The following NCOA3 variants were observed in gnomAD, a reference collection of about 807,000 sequenced individuals.
NCOA3 encodes CBP-interacting protein.
Under a neutral mutation model 158.8 loss-of-function variants are expected in NCOA3, and 51 were observed. That is an observed-to-expected ratio of 0.32 (90% CI 0.26 to 0.41). The LOEUF is 0.41. Among genes scored for constraint, NCOA3 ranks in the 10% least tolerant of loss-of-function variants. The pLI is 1.00. For synonymous variants in NCOA3, 537 were observed against 592.4 expected (o/e 0.91, Z 1.36); for missense variants, 1,510 against 1,746.6 (o/e 0.86, Z 2.41).
intron 1 of NCOA3, among the ~76,000 whole-genome samples, chr20:47,512,712 A>C (rs1262444461): frequency 6.6e-6 from 1 of 152,094 alleles, no homozygotes; most frequent in Non-Finnish European, 1.5e-5. Context: ...ACCACTATAC[A>C]CTCACTATGA....
intron 2 of NCOA3, among the ~76,000 whole-genome samples, chr20:47,612,952 A>T (rs1602485732): frequency 1.3e-5 from 2 of 152,200 alleles, no homozygotes; most frequent in Non-Finnish European, 2.9e-5. Flanking sequence ...GCTAATTGGT[A>T]TGCCCAGTTC....
At chr20:47,531,603 A>G (rs2084548684) in intron 1 of NCOA3, among the ~76,000 whole-genome samples, 1 of 152,160 alleles carries the variant, frequency 6.6e-6, no homozygotes, top group South Asian at 2.1e-4. Flanking sequence ...AGTGTTCTCC[A>G]TCCCTTCCCT....
chr20:47,646,927 T>C, intron 17 of NCOA3, 146 bp from the exon 18 acceptor site: 1 of 664,904 alleles, frequency 1.5e-6, no homozygotes, highest in South Asian at 2.0e-5. Flanking sequence ...ATCCTTAGCA[T>C]GTAGAGAAGT....
At position 47,575,877 on chromosome 20, in the gene NCOA3, T is replaced by C. The variant is rs72662717; in HGVS notation, c.-98-7306T>C. ...TAATACAGCGATTTCACTTTTATCC[T>C]GTGGTGCTTCAAAGGCATCTAGTTT... On this transcript the variant is annotated intron_variant, in intron 1 of 22. Coordinates refer to ENST00000371998, the MANE Select transcript of NCOA3 (RefSeq NM_181659.3). 7.2e-3 allele frequency among the ~76,000 whole-genome samples: 1,101 copies of C among 152,362 alleles called. 22 individuals carry two copies. The highest frequency in any genetic ancestry group is 0.025 in the African/African-American group (1,043 of 41,588).
At chr20:47,519,232 C>CA (rs1199240116) in intron 1 of NCOA3, among the ~76,000 whole-genome samples, 9 of 151,540 alleles carry the variant, frequency 5.9e-5, no homozygotes, top group Admixed American at 5.9e-4. Flanking sequence ...GTCAGAAGAT[C>CA]AAGACCACCC....
At chr20:47,615,641 T>C (rs2086119630) in intron 2 of NCOA3, among the ~76,000 whole-genome samples, 1 of 152,216 alleles carries the variant, frequency 6.6e-6, no homozygotes, top group Non-Finnish European at 1.5e-5. Flanking sequence ...TAACAATTTA[T>C]TATATATTCT....
intron 13 of NCOA3, among the ~76,000 whole-genome samples, chr20:47,638,359 A>G (rs950898643): frequency 6.6e-6 from 1 of 152,198 alleles, no homozygotes; most frequent in African/African-American, 2.4e-5. Flanking sequence ...GCAGTGAGCC[A>G]AGATTGCGCC....
chr20:47,625,630 T>A, intron 5 of NCOA3, 149 bp downstream of exon 5: 1 of 629,114 alleles, frequency 1.6e-6, no homozygotes, highest in Non-Finnish European at 2.8e-6. Flanking sequence ...CTGAATATGA[T>A]GGTAAAATGC....
At chr20:47,503,158 G>C (rs1416878121) in intron 1 of NCOA3, among the ~76,000 whole-genome samples, 3 of 152,130 alleles carry the variant, frequency 2.0e-5, no homozygotes, top group Admixed American at 1.3e-4. Context: ...TAAGATTGCT[G>C]CATCTCTTTG....
At chr20:47,615,355 A>G (rs2086114959) in intron 2 of NCOA3, among the ~76,000 whole-genome samples, 1 of 152,196 alleles carries the variant, frequency 6.6e-6, no homozygotes, top group Non-Finnish European at 1.5e-5. Context: ...AGGTCCCTCA[A>G]AATAACTTCT....
chr20:47,573,555 A>G (rs533338882), intron 1 of NCOA3, among the ~76,000 whole-genome samples: 1 of 152,358 alleles, frequency 6.6e-6, no homozygotes, highest in Non-Finnish European at 1.5e-5. Flanking sequence ...TGGCACCAGT[A>G]GACTTACCTG....
At chr20:47,611,989 T>C (rs113072294) in intron 2 of NCOA3, among the ~76,000 whole-genome samples, 2 of 152,082 alleles carry the variant, frequency 1.3e-5, no homozygotes, top group African/African-American at 4.8e-5. Context: ...CACGCTTGGC[T>C]AAGTGTTTTG....
chr20:47,628,111 C>G, intron 8 of NCOA3, 88 bp downstream of exon 8: 1 of 887,168 alleles, frequency 1.1e-6, no homozygotes, highest in South Asian at 1.5e-5. Flanking sequence ...TATTTTTAAT[C>G]TGTACTATCA....
At chr20:47,544,904 T>A (rs912126261) in intron 1 of NCOA3, among the ~76,000 whole-genome samples, 1 of 152,210 alleles carries the variant, frequency 6.6e-6, no homozygotes, top group Non-Finnish European at 1.5e-5. Flanking sequence ...TTGGGTCATC[T>A]GGAATTCATT....
At chr20:47,632,883 A>G (rs780585317) in intron 8 of NCOA3, among the ~76,000 whole-genome samples, 1 of 151,466 alleles carries the variant, frequency 6.6e-6, no homozygotes, top group Non-Finnish European at 1.5e-5. Flanking sequence ...GGGTTTCACC[A>G]TGTTGGCCAG....
chr20:47,625,781 T>C (rs527267798), intron 5 of NCOA3, among the ~76,000 whole-genome samples: 62 of 152,280 alleles, frequency 4.1e-4, no homozygotes, highest in African/African-American at 1.3e-3. Flanking sequence ...TTCACAGAGA[T>C]ATTTGGGTAC....
intron 2 of NCOA3, among the ~76,000 whole-genome samples, chr20:47,594,884 C>T (rs1212162650): frequency 2.1e-5 from 3 of 143,584 alleles, no homozygotes; most frequent in Non-Finnish European, 3.0e-5. Flanking sequence ...CTCTGCCTTC[C>T]GAGTTCAAGT....
intron 1 of NCOA3, among the ~76,000 whole-genome samples, chr20:47,546,360 CTT>C (rs761790237): frequency 2.0e-5 from 3 of 152,210 alleles, no homozygotes; most frequent in Admixed American, 6.5e-5. Context: ...GCATTTTACT[CTT>C]GTTTCCTTGT....
chr20:47,604,638 A>G (rs759701737), intron 2 of NCOA3, among the ~76,000 whole-genome samples: 9 of 152,168 alleles, frequency 5.9e-5, no homozygotes, highest in Non-Finnish European at 1.3e-4. Context: ...GGAGCTTGCT[A>G]TGTTGCCCAG....
Sources: allele counts gnomAD v4.1 joint callset (sites outside exome capture counted in the v4.1 genomes callset), GRCh38; gene constraint gnomAD v4.1.1; transcripts MANE v1.5; gene names NCBI Gene and HGNC (gene_info 2026-07-23, HGNC 2026-07-21).